LRMDA: variants seen among roughly 807,000 people sequenced by gnomAD.
LRMDA encodes leucine-rich melanocyte differentiation-associated protein.
A neutral mutation model predicts 29.8 loss-of-function variants in LRMDA; 18 were observed. The observed-to-expected ratio is 0.60, with a 90% CI of 0.42 to 0.90. The LOEUF (loss-of-function observed/expected upper bound fraction) is 0.90. LRMDA is among the 40% of genes least tolerant of loss of function. The pLI is 0.00. For synonymous variants in LRMDA, 125 were observed against 109.4 expected (o/e 1.14, Z -0.89); for missense variants, 273 against 273.9 (o/e 1.00, Z 0.02).
chr10:76,489,828 T>C (rs1842815399), intron 6 of LRMDA, among the ~76,000 whole-genome samples: 1 of 150,768 alleles, frequency 6.6e-6, no homozygotes, highest in Non-Finnish European at 1.5e-5. Context: ...TGTTCCCCAA[T>C]TATATGTATA....
At chr10:75,910,666 A>G (rs1845828059) in intron 2 of LRMDA, among the ~76,000 whole-genome samples, 1 of 152,192 alleles carries the variant, frequency 6.6e-6, no homozygotes, top group Non-Finnish European at 1.5e-5. Context: ...TCAAGATGTC[A>G]GCTGGGAGCA....
At chr10:75,577,024 G>T (rs1035409857) in intron 2 of LRMDA, among the ~76,000 whole-genome samples, 1 of 152,172 alleles carries the variant, frequency 6.6e-6, no homozygotes, top group African/African-American at 2.4e-5. Flanking sequence ...AACAAAACTG[G>T]ATGGAGAATG....
chr10:75,539,804 G>T (rs972751437), intron 2 of LRMDA, among the ~76,000 whole-genome samples: 3 of 152,032 alleles, frequency 2.0e-5, no homozygotes, highest in Admixed American at 6.6e-5. Flanking sequence ...GCTGTATTTA[G>T]ATTTCAAAAA....
chr10:75,959,701 C>G (rs185306651), intron 2 of LRMDA, among the ~76,000 whole-genome samples: 1 of 152,172 alleles, frequency 6.6e-6, no homozygotes, highest in Admixed American at 6.5e-5. Context: ...TATATGCACA[C>G]ACCTACATAT....
At chr10:76,020,561 T>C (rs528149324) in intron 2 of LRMDA, among the ~76,000 whole-genome samples, 1 of 152,140 alleles carries the variant, frequency 6.6e-6, no homozygotes, top group Non-Finnish European at 1.5e-5. Flanking sequence ...TGCAGGCCCC[T>C]CACTCTAAGG....
chr10:75,457,542 A>G (rs1203930418), intron 2 of LRMDA, among the ~76,000 whole-genome samples: 1 of 152,160 alleles, frequency 6.6e-6, no homozygotes, highest in Non-Finnish European at 1.5e-5. Context: ...TTTCTTCCCA[A>G]ACTTATATTT....
chr10:76,255,178 T>TTTG (rs1852570202), intron 5 of LRMDA, among the ~76,000 whole-genome samples: 3 of 152,222 alleles, frequency 2.0e-5, no homozygotes, highest in Non-Finnish European at 2.9e-5. Flanking sequence ...TTCATTGCCT[T>TTTG]TTGTTTTTTT....
intron 2 of LRMDA, among the ~76,000 whole-genome samples, chr10:75,923,469 A>G (rs1255134003): frequency 1.3e-5 from 2 of 152,204 alleles, no homozygotes; most frequent in East Asian, 3.9e-4. Context: ...GAGGAACTCC[A>G]TAGGAGAGGA....
At chr10:76,493,733 T>G (rs1288209487) in intron 6 of LRMDA, among the ~76,000 whole-genome samples, 3 of 152,072 alleles carry the variant, frequency 2.0e-5, no homozygotes, top group Non-Finnish European at 4.4e-5. Flanking sequence ...CCCTTGCATT[T>G]CTATGGCAAT....
At chr10:76,085,234 T>C (rs1849115390) in intron 5 of LRMDA, among the ~76,000 whole-genome samples, 1 of 152,132 alleles carries the variant, frequency 6.6e-6, no homozygotes, top group South Asian at 2.1e-4. Flanking sequence ...AATCACTAGA[T>C]GAGATTCAGC....
chr10:75,857,484 G>C (rs758285812), intron 2 of LRMDA, among the ~76,000 whole-genome samples: 9 of 152,210 alleles, frequency 5.9e-5, no homozygotes, highest in Non-Finnish European at 1.0e-4. Context: ...ATCCCCAGAA[G>C]AGTGAGAAGC....
intron 2 of LRMDA, among the ~76,000 whole-genome samples, chr10:75,742,319 G>T (rs1312213204): frequency 6.6e-6 from 1 of 152,204 alleles, no homozygotes; most frequent in Non-Finnish European, 1.5e-5. Context: ...GGCAAAGGAA[G>T]GCTTCAGGAG....
At chr10:75,523,011 G>C (rs1013346106) in intron 2 of LRMDA, among the ~76,000 whole-genome samples, 1 of 152,202 alleles carries the variant, frequency 6.6e-6, no homozygotes, top group Non-Finnish European at 1.5e-5. Context: ...CCTGGCCCCA[G>C]CTTTGCCTCC....
chr10:76,473,522 G>A (rs866141516), intron 6 of LRMDA, among the ~76,000 whole-genome samples: 1 of 150,502 alleles, frequency 6.6e-6, no homozygotes, highest in African/African-American at 2.4e-5. Context: ...CCAGAAATTA[G>A]ACAAGAAAAC....
At chr10:76,485,795 A>G (rs1326968357) in intron 6 of LRMDA, among the ~76,000 whole-genome samples, 1 of 151,682 alleles carries the variant, frequency 6.6e-6, no homozygotes, top group Non-Finnish European at 1.5e-5. Flanking sequence ...TTTTGCTTGC[A>G]TAGTTTCTGA....
chr10:76,001,162 T>C (rs1386180313), intron 2 of LRMDA, among the ~76,000 whole-genome samples: 1 of 152,228 alleles, frequency 6.6e-6, no homozygotes, highest in Non-Finnish European at 1.5e-5. Flanking sequence ...ATTGTCTGGT[T>C]GTTCTTCCTT....
At chr10:75,579,130 G>A (rs538302622) in intron 2 of LRMDA, among the ~76,000 whole-genome samples, 3 of 152,288 alleles carry the variant, frequency 2.0e-5, no homozygotes, top group African/African-American at 7.2e-5. Flanking sequence ...AATGAATCCA[G>A]GAGCTGGTTT....
chr10:76,188,523 C>G (rs776041853), intron 5 of LRMDA, among the ~76,000 whole-genome samples: 4 of 152,084 alleles, frequency 2.6e-5, no homozygotes, highest in Non-Finnish European at 5.9e-5. Flanking sequence ...CGGCTAGTTC[C>G]CTCTTGCGGG....
chr10:76,315,665 C>T (rs569927954), intron 5 of LRMDA, among the ~76,000 whole-genome samples: 1 of 152,268 alleles, frequency 6.6e-6, no homozygotes, highest in East Asian at 1.9e-4. Context: ...AGACACCCCT[C>T]AACGTGAACA....
Sources: gnomAD v4.1 joint callset for allele counts (sites outside exome capture counted in the v4.1 genomes callset) on GRCh38, gnomAD v4.1.1 for gene constraint, MANE v1.5 for transcripts, NCBI Gene and HGNC (gene_info 2026-07-23, HGNC 2026-07-21) for gene names.